Variants in RASSF8 observed in about 807,000 individuals in gnomAD.
RASSF8 encodes ras association domain-containing protein 8.
A neutral mutation model predicts 48.5 loss-of-function variants in RASSF8; 22 were observed. The ratio of observed to expected loss-of-function variants is 0.45; its 90% confidence interval spans 0.32 to 0.65. The LOEUF (loss-of-function observed/expected upper bound fraction) is 0.65. Among genes scored for constraint, RASSF8 ranks in the 30% least tolerant of loss-of-function variants. RASSF8 has a pLI of 0.03. For synonymous variants in RASSF8, 127 were observed against 171.5 expected (o/e 0.74, Z 2.03); for missense variants, 418 against 489.2 (o/e 0.85, Z 1.37).
chr12:26,016,136 A>G (rs1008029630), intron 2 of RASSF8, among the ~76,000 whole-genome samples: 4 of 151,914 alleles, frequency 2.6e-5, no homozygotes, highest in Non-Finnish European at 5.9e-5. Flanking sequence ...CTTGAAATGC[A>G]TGGAAAATTC....
At chr12:26,035,639 C>G (rs1943130686) in intron 2 of RASSF8, among the ~76,000 whole-genome samples, 1 of 137,952 alleles carries the variant, frequency 7.2e-6, no homozygotes, top group South Asian at 2.3e-4. Flanking sequence ...TATAATTTCA[C>G]CTTTTCAGTA....
At chr12:25,972,417 A>G (rs1314018615) in intron 1 of RASSF8, among the ~76,000 whole-genome samples, 3 of 152,130 alleles carry the variant, frequency 2.0e-5, no homozygotes, top group African/African-American at 7.2e-5. Flanking sequence ...AGAGTGGCTA[A>G]AAAACTAAAA....
At chr12:26,020,121 A>G (rs1357333935) in intron 2 of RASSF8, 1 of 152,212 alleles carries the variant, frequency 6.6e-6, no homozygotes, top group Non-Finnish European at 1.5e-5. Context: ...ACTTACCCTG[A>G]ATTATCTTGG....
At chr12:25,967,732 C>T (rs748005631) in intron 1 of RASSF8, among the ~76,000 whole-genome samples, 1 of 152,180 alleles carries the variant, frequency 6.6e-6, no homozygotes, top group Admixed American at 6.5e-5. Context: ...AGTGCCTTCC[C>T]CTTACCCAAC....
At chr12:25,960,372 C>G (rs560443343) in intron 1 of RASSF8, among the ~76,000 whole-genome samples, 1 of 152,180 alleles carries the variant, frequency 6.6e-6, no homozygotes. Context: ...GAATGCCAGC[C>G]AGCTTTCTGC....
At chr12:26,051,804 T>C (rs372578435) in intron 2 of RASSF8, among the ~76,000 whole-genome samples, 1 of 152,206 alleles carries the variant, frequency 6.6e-6, no homozygotes, top group Non-Finnish European at 1.5e-5. Context: ...ACTGAGTGCT[T>C]ACTGATTCAT....
At position 26,069,938 on chromosome 12, in the gene RASSF8, G is replaced by T; in HGVS notation, c.*1120G>T. On this transcript the variant is annotated 3_prime_UTR_variant, in exon 6 of 6. Transcript: ENST00000689635. Reference sequence around the variant, plus strand: ...ATTCAGCATATGTTTTTATTTTTAGGCTTGACTTTTACAAGACATTAATCT... The same window carrying T: ...ATTCAGCATATGTTTTTATTTTTAGTCTTGACTTTTACAAGACATTAATCT... 1 of 980,122 alleles carries T rather than the reference G, an allele frequency of 1.0e-6. No individual in the cohort carries two copies. The highest frequency in any genetic ancestry group is 4.7e-5 in the South Asian group (1 of 21,194). The allele number at this position is 980,122 out of a possible 1,614,324, so 60.7% of individuals were successfully genotyped here. A position where few individuals can be genotyped will look rare whatever the true frequency, so the allele number is the denominator to read the frequency against.
chr12:26,079,106 A>C, exon 6 of RASSF8: 2 of 1,478,816 alleles, frequency 1.4e-6, no homozygotes, highest in Non-Finnish European at 1.8e-6. Context: ...AAGAAAAGCA[A>C]AAATGAACAA....
At chr12:25,959,349 C>G (rs867312871) in intron 1 of RASSF8, 1 of 152,354 alleles carries the variant, frequency 6.6e-6, no homozygotes, top group Non-Finnish European at 1.5e-5. Flanking sequence ...TCACCCTTTG[C>G]GCCTCTCCTC....
chr12:26,001,756 G>A (rs1012302872), intron 2 of RASSF8, among the ~76,000 whole-genome samples: 11 of 151,768 alleles, frequency 7.2e-5, no homozygotes, highest in African/African-American at 2.2e-4. Context: ...ACCTCCTGAA[G>A]GACCTGCCTG....
chr12:26,016,039 G>A (rs542118132), intron 2 of RASSF8, among the ~76,000 whole-genome samples: 4 of 152,006 alleles, frequency 2.6e-5, no homozygotes, highest in South Asian at 4.2e-4. Context: ...TTTGCCTGTC[G>A]AGCAGTCATA....
chr12:25,979,884 C>T (rs1941697934), intron 1 of RASSF8, among the ~76,000 whole-genome samples: 1 of 152,138 alleles, frequency 6.6e-6, no homozygotes, highest in Non-Finnish European at 1.5e-5. Context: ...GGGAGTGTTT[C>T]AGTTGCTGGA....
intron 2 of RASSF8, among the ~76,000 whole-genome samples, chr12:26,041,157 G>A (rs915146220): frequency 4.6e-5 from 7 of 152,024 alleles, no homozygotes; most frequent in Non-Finnish European, 8.8e-5. Context: ...CTCCCAAAGT[G>A]CGGGGATTAC....
rs540949622 is a variant in RASSF8 at position 26,015,185 on chromosome 12, T to A, written c.-109+20055T>A. On this transcript the variant is annotated intron_variant, in intron 2 of 5. Transcript: ENST00000689635. ...TCGTGCCATCGTACTCCAGCCTGGG[T>A]GACAGAATGAGATCCCGTCTCAAAA... Among the ~76,000 whole-genome samples the A allele has an allele frequency of 8.0e-5, 12 of 149,382 alleles. No individual in the cohort carries two copies. In the East Asian group the frequency reaches 2.4e-3, roughly 29 times the overall value.
intron 2 of RASSF8, among the ~76,000 whole-genome samples, chr12:26,051,279 A>G (rs1292405833): frequency 6.6e-6 from 1 of 152,216 alleles, no homozygotes; most frequent in African/African-American, 2.4e-5. Context: ...ACAATTGCCA[A>G]ATACTTAAGT....
intron 2 of RASSF8, among the ~76,000 whole-genome samples, chr12:26,019,835 G>T (rs907737059): frequency 1.1e-4 from 17 of 152,170 alleles, no homozygotes; most frequent in African/African-American, 4.1e-4. Flanking sequence ...TTTAAACTGT[G>T]ACTTAGATAA....
At chr12:26,056,337 G>A (rs1461376851) in intron 3 of RASSF8, among the ~76,000 whole-genome samples, 1 of 152,040 alleles carries the variant, frequency 6.6e-6, no homozygotes, top group African/African-American at 2.4e-5. Flanking sequence ...CTTAAATGAT[G>A]AGGGCATAAA....
downstream of RASSF8, among the ~76,000 whole-genome samples, chr12:26,075,724 T>A (rs556824700): frequency 2.6e-4 from 40 of 152,094 alleles, no homozygotes; most frequent in African/African-American, 8.9e-4. Flanking sequence ...CAAATTGAAA[T>A]ACTTAGTAAC....
chr12:26,029,671 A>G (rs780529019), intron 2 of RASSF8, among the ~76,000 whole-genome samples: 4 of 152,228 alleles, frequency 2.6e-5, no homozygotes, highest in Non-Finnish European at 4.4e-5. Flanking sequence ...TCTGAGGAAC[A>G]AGATCATTTC....
Sources: allele counts gnomAD v4.1 joint callset (sites outside exome capture counted in the v4.1 genomes callset), GRCh38; gene constraint gnomAD v4.1.1; transcripts MANE v1.5; gene names NCBI Gene and HGNC (gene_info 2026-07-23, HGNC 2026-07-21).